The following KIF18B variants were observed in gnomAD, a reference collection of about 807,000 sequenced individuals.
KIF18B encodes kinesin-like protein KIF18B.
In KIF18B, 49 loss-of-function variants were observed where a neutral mutation model predicts 80.9. The ratio of observed to expected loss-of-function variants is 0.61; its 90% CI spans 0.48 to 0.77. The LOEUF (loss-of-function observed/expected upper bound fraction) is 0.77, where lower values mean the gene tolerates loss of function less well. Ranked by LOEUF, KIF18B falls within the 30% of genes least tolerant of loss-of-function variation. The pLI is 0.00. For missense variants in KIF18B, 994 were observed against 1,127.7 expected, an observed-to-expected ratio of 0.88 and a Z score of 1.70; for synonymous variants, 439 against 463.9, an observed-to-expected ratio of 0.95 and a Z score of 0.69.
Position 44,926,438 on chromosome 17 carries a change from G to A in KIF18B, c.2428C>T (p.Pro810Ser). 7.0e-6 allele frequency: 11 copies of A among 1,582,688 alleles called. No individual in the cohort carries two copies. Among genetic ancestry groups the A allele is most frequent in the Non-Finnish European group, 7.7e-6 (9 of 1,164,660 alleles). The change falls in exon 15 of 16, where the codon CCA becomes TCA. Residue 810 changes from proline to serine, a missense_variant. Pro to Ser is a moderately conservative substitution (Grantham distance 74). Coordinates refer to ENST00000593135, the MANE Select transcript of KIF18B (RefSeq NM_001265577.2). ...ARLPSSTLKR[P>S]AGPLVLPELP... The stretch of plus-strand genomic sequence containing the variant: ...CCTGGGAGTACAAGGGGCCCAGCTG[G>A]CCTCTTCAAAGTGCTGCTGGGGAGG...
chr17:44,933,102 G>A (rs965502737), intron 7 of KIF18B, 116 bp from the exon 8 acceptor site: 19 of 862,104 alleles, frequency 2.2e-5, no homozygotes, highest in Non-Finnish European at 2.7e-5. Flanking sequence ...ACCCACCCTC[G>A]CAAGTGGGGA....
rs1041174222 is a variant in KIF18B, at chr17:44,925,712, C to T, written c.*368G>A. ...AGGAGAATTACTTGAACCCAGGAGGCGGAGGTTGCAGTGAGCCAAGATCGT... is the reference window on the plus strand; with the variant it reads ...AGGAGAATTACTTGAACCCAGGAGGTGGAGGTTGCAGTGAGCCAAGATCGT... On this transcript the variant is annotated 3_prime_UTR_variant, in exon 16 of 16. Coordinates refer to ENST00000593135, the MANE Select transcript of KIF18B (RefSeq NM_001265577.2). 29 of 243,448 alleles carry T rather than the reference C, an allele frequency of 1.2e-4. No homozygotes were observed. Among genetic ancestry groups the T allele is most frequent in the Non-Finnish European group, 1.6e-4 (20 of 126,636 alleles). 15.1% of individuals were successfully genotyped at this position (243,448 alleles called of 1,614,324 possible). A position where few individuals can be genotyped will look rare whatever the true frequency, so the allele number is the denominator to read the frequency against.
In KIF18B at chr17:44,934,473, G is replaced by A. The variant is rs1237680757; in HGVS notation, c.687+34C>T. ...GGGTGAGGGGGAGATGGGCATCAGG[G>A]GCACTGGTTTCAGGCTCTGACCCAT... On this transcript the variant is annotated intron_variant, in intron 5 of 15. Coordinates refer to ENST00000593135, the MANE Select transcript of KIF18B (RefSeq NM_001265577.2). The surrounding 1 kb of genome is among the most constrained non-coding windows in gnomAD (Gnocchi z 5.4). The A allele has an allele frequency of 6.2e-7, 1 of 1,605,830 alleles. No homozygotes were observed. The highest frequency in any genetic ancestry group is 8.5e-7 in the Non-Finnish European group (1 of 1,174,988).
chr17:44,926,464 C>T lies in KIF18B; in HGVS notation c.2402G>A (p.Arg801His), dbSNP rs762321612. ...CCTCTTCAAAGTGCTGCTGGGGAGGCGGGCGATGCGGCTGCGGCCATGGGA... is the reference window on the plus strand; with the variant it reads ...CCTCTTCAAAGTGCTGCTGGGGAGGTGGGCGATGCGGCTGCGGCCATGGGA... ...SVSHGRSRIARLPSSTLKRPA... is the reference protein window; with the variant it reads ...SVSHGRSRIAHLPSSTLKRPA... The change falls in exon 15 of 16, where the codon CGC becomes CAC. Residue 801 changes from arginine to histidine, a missense_variant. By Grantham distance (29) the Arg-to-His change is conservative. Transcript: ENST00000593135. The T allele has an allele frequency of 1.4e-5, 22 of 1,588,166 alleles. No homozygotes were observed. Among genetic ancestry groups the T allele is most frequent in the Admixed American group, 1.8e-5 (1 of 54,742 alleles).
chr17:44,933,595 C>T (rs902179642), intron 7 of KIF18B, among the ~76,000 whole-genome samples: 34 of 151,904 alleles, frequency 2.2e-4, no homozygotes, highest in African/African-American at 7.7e-4. Context: ...TGGGTTCAAG[C>T]GATTCTTCTG....
At chr17:44,942,145 G>C (rs553531939) in intron 1 of KIF18B, among the ~76,000 whole-genome samples, 2 of 152,214 alleles carry the variant, frequency 1.3e-5, no homozygotes, top group Non-Finnish European at 2.9e-5. Flanking sequence ...CGCCCCAGGG[G>C]ATGGGGAGAT....
rs745557468 is a variant in KIF18B at position 44,935,138 on chromosome 17, CCTT to C, written c.471+118_471+120del. ...GCATCTCACTGAGCAGTATCTATCT[CCTT>C]GAGGGGTGCCAGCTCTCCATTTCCT... is the stretch of plus-strand genomic sequence containing the variant. On this transcript the variant is annotated intron_variant, in intron 3 of 15. Transcript: ENST00000593135. 6.8e-4 allele frequency: 750 copies of C among 1,095,182 alleles called. 1 individual carries two copies. The highest frequency in any genetic ancestry group is 9.1e-4 in the Non-Finnish European group (709 of 778,462). The allele number at this position is 1,095,182 out of a possible 1,614,324, so 67.8% of individuals were successfully genotyped here.
intron 2 of KIF18B, 121 bp downstream of exon 2, chr17:44,935,911 C>T (rs556662465): frequency 1.2e-6 from 1 of 831,792 alleles, no homozygotes; most frequent in South Asian, 1.5e-5. Context: ...TTGTACAAAA[C>T]TCCTTAGTAA....
chr17:44,940,160 A>G (rs934906345), intron 1 of KIF18B, among the ~76,000 whole-genome samples: 3 of 152,240 alleles, frequency 2.0e-5, no homozygotes, highest in Admixed American at 2.0e-4. Flanking sequence ...CAGATCTTGT[A>G]TCTGGCCACA....
intron 1 of KIF18B, among the ~76,000 whole-genome samples, chr17:44,938,031 T>C (rs1206335415): frequency 6.6e-6 from 1 of 151,686 alleles, no homozygotes; most frequent in African/African-American, 2.4e-5. Context: ...TATATTTTTT[T>C]TGAGATGGAG....
intron 1 of KIF18B, among the ~76,000 whole-genome samples, chr17:44,938,843 G>A (rs1371726406): frequency 1.3e-5 from 2 of 151,914 alleles, no homozygotes; most frequent in Admixed American, 6.6e-5. Context: ...TTGGCAGTTC[G>A]AGACCAGCTT....
chr17:44,934,560 G>A lies in KIF18B; in HGVS notation c.634C>T (p.Gln212Ter), dbSNP rs748117353. Residue 212 changes from glutamine to a stop codon, truncating the protein, a stop_gained, in exon 5 of 16, where the codon CAG (glutamine) becomes TAG (stop). Transcript: ENST00000593135. LOFTEE classifies it high-confidence loss of function. The surrounding 1 kb of genome is among the most constrained non-coding windows in gnomAD (Gnocchi z 5.4). Reference sequence around the variant, plus strand: ...GTCGCGTTGGCATCAGTGGGGTGCTGCGTGCGGTTACGGTTCCCCCTGGTC... The same window carrying A: ...GTCGCGTTGGCATCAGTGGGGTGCTACGTGCGGTTACGGTTCCCCCTGGTC... ...ILTRGNRNRTQHPTDANATSS... is the reference protein window; with the variant it reads ...ILTRGNRNRT 1 of 1,613,056 alleles carries A rather than the reference G, an allele frequency of 6.2e-7. No homozygotes were observed. Among genetic ancestry groups the A allele is most frequent in the East Asian group, 2.2e-5 (1 of 44,866 alleles).
intron 1 of KIF18B, among the ~76,000 whole-genome samples, chr17:44,940,688 C>T (rs181450208): frequency 3.3e-5 from 5 of 152,266 alleles, no homozygotes. Flanking sequence ...TAGATGGATG[C>T]CTTCCAGGTA....
At chr17:44,938,129 C>T (rs550237305) in intron 1 of KIF18B, among the ~76,000 whole-genome samples, 3 of 152,248 alleles carry the variant, frequency 2.0e-5, no homozygotes, top group Admixed American at 6.5e-5. Flanking sequence ...AATTCTCCTG[C>T]CTCAGCCTCC....
At chr17:44,943,872 AT>A (rs1466049245) in intron 1 of KIF18B, among the ~76,000 whole-genome samples, 1 of 152,072 alleles carries the variant, frequency 6.6e-6, no homozygotes, top group African/African-American at 2.4e-5. Context: ...GTGTGCCACC[AT>A]CCCTGGCTAA....
chr17:44,941,906 G>T (rs892334054), intron 1 of KIF18B, among the ~76,000 whole-genome samples: 7 of 152,194 alleles, frequency 4.6e-5, no homozygotes, highest in Non-Finnish European at 8.8e-5. Flanking sequence ...GGGCCAGTGT[G>T]GCTGAGTCTG....
At position 44,932,937 on chromosome 17, in the gene KIF18B, G is replaced by A. The variant is rs2052190446; in HGVS notation, c.1112C>T (p.Thr371Ile). 6.2e-7 allele frequency: 1 copy of A among 1,607,648 alleles called. No homozygotes were observed. Among genetic ancestry groups the A allele is most frequent in the Admixed American group, 1.7e-5 (1 of 59,832 alleles). ...SLDCHISQYA[T>I]ICQQLQAEVA... ...CTCAGCCTGGAGCTGTTGGCAGATG[G>A]TAGCATACTGGCTGATGTGACAGTC... Residue 371 changes from threonine to isoleucine, a missense_variant, in exon 8 of 16, where the codon ACC becomes ATC. Physicochemically the swap from Thr to Ile is moderately conservative, Grantham distance 89. Coordinates refer to ENST00000593135, the MANE Select transcript of KIF18B (RefSeq NM_001265577.2).
At chr17:44,928,700 G>T in intron 12 of KIF18B, 119 bp downstream of exon 12, 3 of 1,381,478 alleles carry the variant, frequency 2.2e-6, no homozygotes, top group Non-Finnish European at 2.9e-6. Context: ...GATCCCAGGG[G>T]CCCAGCCTCC....
chr17:44,935,207 C>G, intron 3 of KIF18B, 52 bp downstream of exon 3: 1 of 1,515,990 alleles, frequency 6.6e-7, no homozygotes, highest in Non-Finnish European at 8.9e-7. Context: ...CCCATGGGCT[C>G]ACTTCCCCCC....
Sources: gnomAD v4.1 joint callset for allele counts (sites outside exome capture counted in the v4.1 genomes callset) on GRCh38, gnomAD v4.1.1 for gene constraint, Gnocchi (gnomAD v3.1) non-coding constraint, MANE v1.5 for transcripts, NCBI Gene and HGNC (gene_info 2026-07-23, HGNC 2026-07-21) for gene names.